The following NUP214 variants were observed in gnomAD, a reference collection of about 807,000 sequenced individuals.
NUP214 encodes nuclear pore complex protein Nup214.
Under a neutral mutation model 196.2 loss-of-function variants are expected in NUP214, and 79 were observed. That is an observed-to-expected ratio of 0.40 (90% CI 0.34 to 0.49). The LOEUF is 0.49. Ranked by LOEUF, NUP214 falls within the 20% of genes least tolerant of loss-of-function variation. NUP214 has a pLI of 0.58. For synonymous variants in NUP214, 1,020 were observed against 990.5 expected, an observed-to-expected ratio of 1.03 and a Z score of -0.56; for missense variants, 2,468 against 2,539.0, an observed-to-expected ratio of 0.97 and a Z score of 0.60.
At chr9:131,127,288 C>T (rs987741481) in intron 1 of NUP214, among the ~76,000 whole-genome samples, 1 of 152,142 alleles carries the variant, frequency 6.6e-6, no homozygotes, top group Non-Finnish European at 1.5e-5. Flanking sequence ...GAGTCTGAAG[C>T]AGGAGAATCG....
At chr9:131,185,645 A>G (rs1467427845) in intron 24 of NUP214, among the ~76,000 whole-genome samples, 1 of 152,186 alleles carries the variant, frequency 6.6e-6, no homozygotes, top group African/African-American at 2.4e-5. Flanking sequence ...AAACGTTTGA[A>G]CATATTTGTT....
chr9:131,158,081 C>T (rs1564189358), intron 17 of NUP214, among the ~76,000 whole-genome samples: 1 of 151,574 alleles, frequency 6.6e-6, no homozygotes, highest in Non-Finnish European at 1.5e-5. Context: ...CCATGCCCGG[C>T]CTGATTTTTT....
At chr9:131,164,697 A>G (rs1588141911) in intron 21 of NUP214, 1 of 152,146 alleles carries the variant, frequency 6.6e-6, no homozygotes, top group South Asian at 2.1e-4. Flanking sequence ...TGCCTTGCCG[A>G]AAAAGGCTTC....
intron 19 of NUP214, 107 bp downstream of exon 19, chr9:131,163,280 C>A: frequency 1.8e-6 from 2 of 1,128,132 alleles, no homozygotes; most frequent in Non-Finnish European, 2.5e-6. Flanking sequence ...CTGTGTCTCT[C>A]ACCTGTGTAA....
In NUP214 at chr9:131,139,285, A is replaced by AT; in HGVS notation, c.1012dup (p.Trp338LeufsTer10). 1 of 1,219,974 alleles carries AT rather than the reference A, an allele frequency of 8.2e-7. No homozygotes were observed. The allele number at this position is 1,219,974 out of a possible 1,614,324, so 75.6% of individuals were successfully genotyped here. On this transcript the variant is annotated frameshift_variant, in exon 10 of 36. Transcript: ENST00000359428. LOFTEE classifies it high-confidence loss of function. ...TTTTTTTTTTTTTTTTTTTAGATTA[A>AT]TTGGGAATCTTGGCTACTGGAGGAT...
In NUP214 at chr9:131,163,915, C is replaced by T; in HGVS notation, c.2769C>T (p.Thr923=). ...LESLCNALLK[T]TIESHTKSLP... is the part of the protein sequence containing the mutation. Reference sequence around the variant, plus strand: ...GCCTGTGCAATGCTTTGTTGAAAACCACCATAGAATCTCACACCAAATCCT... The same window carrying T: ...GCCTGTGCAATGCTTTGTTGAAAACTACCATAGAATCTCACACCAAATCCT... Residue 923 remains threonine (T), a synonymous_variant, in exon 20 of 36, where the codon ACC becomes ACT. Transcript: ENST00000359428. 1.2e-6 allele frequency: 2 copies of T among 1,614,128 alleles called. No homozygotes were observed. The highest frequency in any genetic ancestry group is 1.7e-6 in the Non-Finnish European group (2 of 1,180,008).
intron 27 of NUP214, chr9:131,193,987 G>T (rs1287848731): frequency 2.0e-5 from 3 of 151,108 alleles, no homozygotes; most frequent in Non-Finnish European, 4.4e-5. Flanking sequence ...AAAAGGTGGG[G>T]TCATTGAATC....
At chr9:131,196,138 C>T (rs915682489) in intron 28 of NUP214, among the ~76,000 whole-genome samples, 4 of 149,902 alleles carry the variant, frequency 2.7e-5, no homozygotes, top group Admixed American at 6.8e-5. Flanking sequence ...TTCAGTTATC[C>T]GTTTATGATT....
rs12684499 is a variant in NUP214, at chr9:131,203,388, C to T, written c.5592+1671C>T. Among the ~76,000 whole-genome samples the T allele has an allele frequency of 1.8e-4, 27 of 152,256 alleles. No individual in the cohort carries two copies. The East Asian group carries it at 4.8e-3, about 27-fold the overall frequency. On this transcript the variant is annotated intron_variant, in intron 30 of 35. Transcript: ENST00000359428. ...TGACTGTTACATCAGACACCGGCTG[C>T]ATTTAGATCATTTAGATCATAGTAA...
At chr9:131,129,575 G>GTTT in intron 4 of NUP214, 98 bp downstream of exon 4, 2 of 1,061,626 alleles carry the variant, frequency 1.9e-6, no homozygotes, top group Non-Finnish European at 2.7e-6. Flanking sequence ...TTGTGTTTTG[G>GTTT]TTTTTTTTTT....
chr9:131,128,654 G>A, intron 3 of NUP214, 171 bp downstream of exon 3: 1 of 533,480 alleles, frequency 1.9e-6, no homozygotes, highest in Non-Finnish European at 3.1e-6. Context: ...GAGACAGAAG[G>A]GACTTCAAGA....
At chr9:131,130,910 T>C (rs1252360271) in intron 5 of NUP214, 74 bp downstream of exon 5, 3 of 1,189,782 alleles carry the variant, frequency 2.5e-6, no homozygotes, top group Non-Finnish European at 3.7e-6. Flanking sequence ...GGAGTATCTT[T>C]CTTGTTTTTC....
chr9:131,132,795 C>A, intron 6 of NUP214, 136 bp downstream of exon 6: 1 of 759,208 alleles, frequency 1.3e-6, no homozygotes, highest in Non-Finnish European at 2.2e-6. Flanking sequence ...TTTCAAACAG[C>A]TAATTAAGTC....
chr9:131,154,859 G>A (rs182163055), intron 17 of NUP214, among the ~76,000 whole-genome samples: 2 of 152,298 alleles, frequency 1.3e-5, no homozygotes, highest in South Asian at 2.1e-4. Flanking sequence ...GCGCACGCTC[G>A]CGTGTGTGTC....
At chr9:131,161,932 G>A (rs1443362716) in intron 18 of NUP214, among the ~76,000 whole-genome samples, 1 of 152,188 alleles carries the variant, frequency 6.6e-6, no homozygotes. Context: ...CGGCCTGCAG[G>A]CTTCATGTGG....
At chr9:131,183,257 A>T (rs1436900254) in intron 24 of NUP214, among the ~76,000 whole-genome samples, 1 of 151,896 alleles carries the variant, frequency 6.6e-6, no homozygotes, top group African/African-American at 2.4e-5. Context: ...GCTAATTTTT[A>T]TATTTTTGGT....
chr9:131,133,554 T>TA (rs1314733780), intron 7 of NUP214: 1 of 164,970 alleles, frequency 6.1e-6, no homozygotes, highest in Non-Finnish European at 1.3e-5. Flanking sequence ...TCTGCCCACC[T>TA]AGGCTTCTCA....
intron 21 of NUP214, among the ~76,000 whole-genome samples, chr9:131,170,960 A>G (rs996153011): frequency 6.6e-6 from 1 of 152,148 alleles, no homozygotes; most frequent in Non-Finnish European, 1.5e-5. Context: ...TGATCATATG[A>G]CTTTCTATCC....
At chr9:131,149,518 C>G (rs1347992957) in intron 14 of NUP214, among the ~76,000 whole-genome samples, 2 of 150,480 alleles carry the variant, frequency 1.3e-5, no homozygotes, top group Non-Finnish European at 3.0e-5. Flanking sequence ...CTTGTCAGCT[C>G]CACCCTCTGC....
Sources: gnomAD v4.1 joint callset for allele counts (sites outside exome capture counted in the v4.1 genomes callset) on GRCh38, gnomAD v4.1.1 for gene constraint, MANE v1.5 for transcripts, NCBI Gene and HGNC (gene_info 2026-07-23, HGNC 2026-07-21) for gene names.